Variants in PREX2 observed in about 807,000 individuals in gnomAD.
PREX2 encodes the protein phosphatidylinositol-3,4,5-trisphosphate dependent Rac exchange factor 2.
PREX2 carries 107 observed loss-of-function variants against 203.2 expected under a neutral mutation model. The observed-to-expected ratio is 0.53, with a 90% CI of 0.45 to 0.62. The LOEUF is 0.62. PREX2 is among the 20% of genes least tolerant of loss of function. The probability of loss-of-function intolerance (pLI) is 0.00; values close to 1 mark genes in which losing one functional copy is unlikely to be tolerated. For missense variants in PREX2, 1,777 were observed against 1,955.9 expected (o/e 0.91, Z 1.72); for synonymous variants, 672 against 663.6 (o/e 1.01, Z -0.19).
intron 3 of PREX2, among the ~76,000 whole-genome samples, chr8:68,021,418 TG>T (rs779970013): frequency 6.6e-6 from 1 of 152,206 alleles, no homozygotes; most frequent in Non-Finnish European, 1.5e-5. Flanking sequence ...ACCTCTCAGA[TG>T]TGGTGTCCTC....
At chr8:68,060,496 T>C (rs1808815390) in intron 10 of PREX2, among the ~76,000 whole-genome samples, 183 bp from the exon 11 acceptor site, 1 of 152,242 alleles carries the variant, frequency 6.6e-6, no homozygotes, top group Non-Finnish European at 1.5e-5. Flanking sequence ...TTTTCTAGAA[T>C]AGAGTTCAAC....
chr8:68,216,601 T>A (rs1225257297), intron 37 of PREX2, among the ~76,000 whole-genome samples: 7 of 151,948 alleles, frequency 4.6e-5, no homozygotes, highest in Admixed American at 3.3e-4. Context: ...CCTGAAAATG[T>A]TAACAAATAA....
chr8:68,156,077 A>G (rs1216706531), intron 34 of PREX2, among the ~76,000 whole-genome samples: 1 of 150,542 alleles, frequency 6.6e-6, no homozygotes, highest in Non-Finnish European at 1.5e-5. Flanking sequence ...CTGTTGTTTT[A>G]GAAGACAGAG....
At chr8:68,194,770 C>A (rs1406537391) in intron 37 of PREX2, among the ~76,000 whole-genome samples, 1 of 150,162 alleles carries the variant, frequency 6.7e-6, no homozygotes, top group East Asian at 2.0e-4. Flanking sequence ...CACTGCACTC[C>A]AGCCTGGGCA....
intron 29 of PREX2, among the ~76,000 whole-genome samples, 154 bp downstream of exon 29, chr8:68,120,440 A>G (rs549515942): frequency 6.6e-6 from 1 of 152,340 alleles, no homozygotes; most frequent in Non-Finnish European, 1.5e-5. Context: ...ATAATTTTTG[A>G]ATATGTAAAA....
chr8:68,183,347 AAC>A (rs1219745861), intron 35 of PREX2, among the ~76,000 whole-genome samples: 1 of 152,162 alleles, frequency 6.6e-6, no homozygotes, highest in African/African-American at 2.4e-5. Flanking sequence ...ATTATCTTGA[AAC>A]ACAATTATCA....
At chr8:68,143,382 G>A (rs936644006) in intron 33 of PREX2, among the ~76,000 whole-genome samples, 8 of 152,174 alleles carry the variant, frequency 5.3e-5, no homozygotes, top group South Asian at 2.1e-4. Flanking sequence ...TACCCCTTTC[G>A]TCTTCTGCCA....
chr8:67,966,311 C>G (rs917536257), intron 1 of PREX2, among the ~76,000 whole-genome samples: 3 of 152,086 alleles, frequency 2.0e-5, no homozygotes, highest in Non-Finnish European at 4.4e-5. Flanking sequence ...CTATGTTGTA[C>G]TATATATCCT....
intron 10 of PREX2, among the ~76,000 whole-genome samples, 179 bp downstream of exon 10, chr8:68,056,153 T>C (rs1808672377): frequency 6.6e-6 from 1 of 152,156 alleles, no homozygotes; most frequent in African/African-American, 2.4e-5. Flanking sequence ...GCCAGGATCA[T>C]GACCAGGAAA....
At chr8:68,197,320 A>G (rs1812417666) in intron 37 of PREX2, among the ~76,000 whole-genome samples, 1 of 152,064 alleles carries the variant, frequency 6.6e-6, no homozygotes, top group African/African-American at 2.4e-5. Context: ...TGCTGTTCTC[A>G]TGATAGTGAG....
intron 22 of PREX2, among the ~76,000 whole-genome samples, chr8:68,098,135 G>A (rs761267945): frequency 2.5e-4 from 38 of 152,120 alleles, no homozygotes; most frequent in South Asian, 8.3e-4. Flanking sequence ...TGCCTACAAG[G>A]TAAATCCATC....
At chr8:68,209,474 G>A (rs942786718) in intron 37 of PREX2, among the ~76,000 whole-genome samples, 1 of 152,100 alleles carries the variant, frequency 6.6e-6, no homozygotes, top group Non-Finnish European at 1.5e-5. Context: ...CATAATTCAT[G>A]TGAAGAATAT....
intron 1 of PREX2, among the ~76,000 whole-genome samples, chr8:67,994,532 T>C (rs1318667569): frequency 6.6e-6 from 1 of 152,234 alleles, no homozygotes; most frequent in African/African-American, 2.4e-5. Flanking sequence ...ATATAGCTGC[T>C]GATTTATTCT....
rs761323772 is a variant in PREX2 at position 68,027,184 on chromosome 8, A to G, written c.442-38A>G. On this transcript the variant is annotated intron_variant, in intron 4 of 39. Coordinates refer to ENST00000288368, the MANE Select transcript of PREX2 (RefSeq NM_024870.4). Reference sequence around the variant, plus strand: ...GAAGAAAGTTTCACAGCGTGAGATTATTAAAGATGTAATTAATTTTGATTA... The same window carrying G: ...GAAGAAAGTTTCACAGCGTGAGATTGTTAAAGATGTAATTAATTTTGATTA... 1.3e-5 allele frequency: 18 copies of G among 1,434,560 alleles called. No homozygotes were observed. In the South Asian group the frequency reaches 1.6e-4, roughly 13 times the overall value. The allele number at this position is 1,434,560 out of a possible 1,614,324, so 88.9% of individuals were successfully genotyped here.
At chr8:68,028,424 A>G (rs1807793236) in intron 5 of PREX2, among the ~76,000 whole-genome samples, 1 of 152,078 alleles carries the variant, frequency 6.6e-6, no homozygotes, top group Non-Finnish European at 1.5e-5. Context: ...CTAGAGGCAT[A>G]TTAACTAGTA....
intron 26 of PREX2, among the ~76,000 whole-genome samples, chr8:68,117,011 A>G (rs1443897884): frequency 6.6e-6 from 1 of 152,200 alleles, no homozygotes; most frequent in Non-Finnish European, 1.5e-5. Context: ...TACAACTTCA[A>G]CATATTTTTC....
chr8:68,023,963 T>C (rs183194660), intron 4 of PREX2, among the ~76,000 whole-genome samples: 5 of 152,216 alleles, frequency 3.3e-5, no homozygotes, highest in Non-Finnish European at 4.4e-5. Context: ...TTATTTTTTT[T>C]CTTGCCTTAT....
At chr8:68,103,913 C>T (rs1283805323) in intron 23 of PREX2, among the ~76,000 whole-genome samples, 9 of 152,144 alleles carry the variant, frequency 5.9e-5, no homozygotes, top group South Asian at 4.1e-4. Context: ...AATCCTCTGG[C>T]GATCTCATTC....
At chr8:68,170,745 T>C (rs987364506) in intron 35 of PREX2, among the ~76,000 whole-genome samples, 2 of 152,158 alleles carry the variant, frequency 1.3e-5, no homozygotes, top group African/African-American at 4.8e-5. Context: ...CCCTGTTTTG[T>C]TTTCTCTTTT....
Sources: allele counts gnomAD v4.1 joint callset (sites outside exome capture counted in the v4.1 genomes callset), GRCh38; gene constraint gnomAD v4.1.1; transcripts MANE v1.5; gene names NCBI Gene and HGNC (gene_info 2026-07-23, HGNC 2026-07-21).